The following CDH13 variants were observed in gnomAD, a reference collection of about 807,000 sequenced individuals.
The protein encoded by CDH13 is cadherin-13.
Under a neutral mutation model 63.8 loss-of-function variants are expected in CDH13, and 24 were observed. The observed-to-expected ratio is 0.38, with a 90% CI of 0.27 to 0.53. CDH13 has a LOEUF of 0.53. CDH13 is among the 20% of genes least tolerant of loss of function. CDH13 has a pLI of 0.85. For synonymous variants in CDH13, 503 were observed against 355.3 expected, an observed-to-expected ratio of 1.42 and a Z score of -4.67; for missense variants, 1,049 against 903.1, an observed-to-expected ratio of 1.16 and a Z score of -2.07.
chr16:83,035,730 T>G (rs1448567876), intron 3 of CDH13, among the ~76,000 whole-genome samples: 6 of 152,164 alleles, frequency 3.9e-5, no homozygotes, highest in Admixed American at 3.9e-4. Flanking sequence ...GTGTTTCTCT[T>G]CTAAGCTGTG....
At chr16:83,371,424 C>A (rs182411779) in intron 6 of CDH13, among the ~76,000 whole-genome samples, 4 of 152,286 alleles carry the variant, frequency 2.6e-5, no homozygotes, top group African/African-American at 4.8e-5. Context: ...CCATTATAAG[C>A]CCTTTTCCTC....
intron 10 of CDH13, among the ~76,000 whole-genome samples, chr16:83,734,337 G>C (rs979161511): frequency 6.6e-6 from 1 of 152,158 alleles, no homozygotes; most frequent in African/African-American, 2.4e-5. Flanking sequence ...CTTTAATCGG[G>C]TGCTGCTGCA....
At chr16:83,263,582 C>G (rs1260435064) in intron 5 of CDH13, among the ~76,000 whole-genome samples, 1 of 152,144 alleles carries the variant, frequency 6.6e-6, no homozygotes, top group Non-Finnish European at 1.5e-5. Context: ...AAAAACAAAA[C>G]AAAACAAAAC....
intron 1 of CDH13, among the ~76,000 whole-genome samples, chr16:82,648,510 GA>G (rs1322056561): frequency 1.3e-5 from 2 of 152,142 alleles, no homozygotes; most frequent in African/African-American, 4.8e-5. Flanking sequence ...TAATGGCATG[GA>G]AAAATCATAT....
intron 7 of CDH13, among the ~76,000 whole-genome samples, chr16:83,556,477 C>T (rs374317201): frequency 2.0e-5 from 3 of 152,042 alleles, no homozygotes; most frequent in Non-Finnish European, 1.5e-5. Context: ...GGTCAATCAG[C>T]CAAGTAAAGC....
intron 1 of CDH13, among the ~76,000 whole-genome samples, chr16:82,655,553 G>T (rs1911200661): frequency 6.6e-6 from 1 of 152,124 alleles, no homozygotes. Context: ...CAGGGAGGGT[G>T]TGCGTGTGAT....
chr16:82,847,829 G>T (rs1030576625), intron 1 of CDH13, among the ~76,000 whole-genome samples: 7 of 151,780 alleles, frequency 4.6e-5, no homozygotes, highest in Non-Finnish European at 8.8e-5. Context: ...GCCAGAATTT[G>T]GACTTAGGTT....
chr16:82,677,425 C>T (rs116539824), intron 1 of CDH13, among the ~76,000 whole-genome samples: 1,429 of 142,474 alleles, frequency 0.01, 18 homozygotes, highest in African/African-American at 0.034. Context: ...CAAAGCTATA[C>T]AAAGGAAAGG....
chr16:83,074,652 T>C (rs1369458300), intron 3 of CDH13, among the ~76,000 whole-genome samples: 1 of 152,246 alleles, frequency 6.6e-6, no homozygotes, highest in Non-Finnish European at 1.5e-5. Context: ...ACATCCTTGC[T>C]AGCATCTGTT....
intron 1 of CDH13, among the ~76,000 whole-genome samples, chr16:82,683,435 C>A (rs1310178912): frequency 6.6e-6 from 1 of 152,202 alleles, no homozygotes; most frequent in Non-Finnish European, 1.5e-5. Flanking sequence ...TAGCCCGATG[C>A]AATGTCACCC....
intron 7 of CDH13, among the ~76,000 whole-genome samples, chr16:83,489,715 A>G (rs866407094): frequency 6.6e-6 from 1 of 152,134 alleles, no homozygotes; most frequent in Non-Finnish European, 1.5e-5. Context: ...GTGAGATTTT[A>G]TTATTAATAT....
chr16:83,182,207 G>A (rs922594751), intron 4 of CDH13, among the ~76,000 whole-genome samples: 2 of 152,216 alleles, frequency 1.3e-5, no homozygotes, highest in East Asian at 3.8e-4. Context: ...CCTCCTGCTA[G>A]TCACGCCTTA....
At chr16:82,860,152 C>G (rs1003355859) in intron 2 of CDH13, among the ~76,000 whole-genome samples, 2 of 152,004 alleles carry the variant, frequency 1.3e-5, no homozygotes, top group African/African-American at 4.8e-5. Context: ...AGTGATTATC[C>G]CAAATGGCAT....
intron 7 of CDH13, among the ~76,000 whole-genome samples, chr16:83,580,954 C>G (rs1219109806): frequency 1.3e-5 from 2 of 152,146 alleles, no homozygotes; most frequent in African/African-American, 4.8e-5. Context: ...CATAACAGAT[C>G]TCTATTTGTG....
At chr16:82,875,341 CTTAG>C (rs914475009) in intron 2 of CDH13, among the ~76,000 whole-genome samples, 3 of 152,114 alleles carry the variant, frequency 2.0e-5, no homozygotes, top group African/African-American at 7.2e-5. Context: ...AATATGATGA[CTTAG>C]TTAGGATTCT....
At chr16:82,992,869 A>C (rs1244405487) in intron 2 of CDH13, among the ~76,000 whole-genome samples, 1 of 152,194 alleles carries the variant, frequency 6.6e-6, no homozygotes, top group Non-Finnish European at 1.5e-5. Flanking sequence ...TATTGGTAAA[A>C]ATGAAGATGC....
At chr16:82,855,331 T>C (rs1210381037) in intron 1 of CDH13, among the ~76,000 whole-genome samples, 2 of 152,208 alleles carry the variant, frequency 1.3e-5, no homozygotes, top group Non-Finnish European at 2.9e-5. Context: ...CTAACTGTGG[T>C]TTCTCTCAGT....
chr16:83,647,608 C>G (rs888881534), intron 8 of CDH13, among the ~76,000 whole-genome samples: 1 of 152,154 alleles, frequency 6.6e-6, no homozygotes, highest in Non-Finnish European at 1.5e-5. Context: ...GACTCTGTTT[C>G]CATTCAGAAA....
At chr16:83,737,208 C>T (rs1458736474) in intron 10 of CDH13, among the ~76,000 whole-genome samples, 2 of 152,182 alleles carry the variant, frequency 1.3e-5, no homozygotes, top group Non-Finnish European at 2.9e-5. Flanking sequence ...CGCCTATTTC[C>T]TAGACTAAAT....
Sources: allele counts gnomAD v4.1 joint callset (sites outside exome capture counted in the v4.1 genomes callset), GRCh38; gene constraint gnomAD v4.1.1; transcripts MANE v1.5; gene names NCBI Gene and HGNC (gene_info 2026-07-23, HGNC 2026-07-21).